Variants in VCL observed in about 807,000 individuals in gnomAD.
VCL encodes the protein vinculin.
VCL carries 47 observed loss-of-function variants against 125.7 expected under a neutral mutation model. That is an observed-to-expected ratio of 0.37 (90% CI 0.30 to 0.48). The LOEUF is 0.48. Ranked by LOEUF, VCL falls within the 20% of genes least tolerant of loss-of-function variation. VCL has a pLI of 0.99. For missense variants in VCL, 1,069 were observed against 1,455.5 expected (o/e 0.73, Z 4.32); for synonymous variants, 458 against 514.6 (o/e 0.89, Z 1.49).
chr10:74,081,916 T>C lies in VCL; in HGVS notation c.784-538T>C, dbSNP rs1324229773. On this transcript the variant is annotated intron_variant, in intron 6 of 21. Coordinates refer to ENST00000211998, the MANE Select transcript of VCL (RefSeq NM_014000.3). ...TAGAATTAAAATTAAACTGCTAGAT[T>C]AACATTTTCAATTGTTTCTTCCAAC... 3.3e-5 allele frequency among the ~76,000 whole-genome samples: 5 copies of C among 152,234 alleles called. No individual in the cohort carries two copies. In the East Asian group the frequency reaches 9.6e-4, roughly 29 times the overall value.
chr10:74,039,943 C>G (rs1841062456), intron 1 of VCL, among the ~76,000 whole-genome samples: 1 of 152,312 alleles, frequency 6.6e-6, no homozygotes, highest in South Asian at 2.1e-4. Flanking sequence ...ATACTTCCCT[C>G]CCTCCCTGAG....
chr10:74,106,863 A>C (rs1202374266), intron 16 of VCL, among the ~76,000 whole-genome samples: 1 of 152,210 alleles, frequency 6.6e-6, no homozygotes, highest in African/African-American at 2.4e-5. Flanking sequence ...GTCCAATCTG[A>C]AACTGACATC....
intron 2 of VCL, among the ~76,000 whole-genome samples, chr10:74,056,026 C>G (rs1841384694): frequency 6.6e-6 from 1 of 152,104 alleles, no homozygotes; most frequent in Non-Finnish European, 1.5e-5. Flanking sequence ...ACGTTTGTTC[C>G]TCTCCCATTC....
At chr10:74,098,353 T>C (rs1297508559) in intron 13 of VCL, among the ~76,000 whole-genome samples, 1 of 152,216 alleles carries the variant, frequency 6.6e-6, no homozygotes, top group Non-Finnish European at 1.5e-5. Flanking sequence ...ACTTTTTCAC[T>C]TAGCATTTAT....
At chr10:74,103,371 G>A (rs535938173) in intron 14 of VCL, among the ~76,000 whole-genome samples, 34 of 152,268 alleles carry the variant, frequency 2.2e-4, no homozygotes, top group Non-Finnish European at 4.0e-4. Context: ...CTGAGACTTG[G>A]TTTTTGCATC....
At chr10:74,042,687 C>CA (rs1564515901) in intron 1 of VCL, among the ~76,000 whole-genome samples, 2 of 152,072 alleles carry the variant, frequency 1.3e-5, no homozygotes, top group African/African-American at 4.8e-5. Context: ...CCAATAACTT[C>CA]GTTTTTTTCT....
At chr10:74,083,140 C>T (rs1388630161) in intron 7 of VCL, among the ~76,000 whole-genome samples, 1 of 152,188 alleles carries the variant, frequency 6.6e-6, no homozygotes, top group East Asian at 1.9e-4. Context: ...CTTAGTATCT[C>T]CAAATAGATA....
intron 1 of VCL, among the ~76,000 whole-genome samples, chr10:74,011,547 A>G (rs532385923): frequency 8.5e-5 from 13 of 152,250 alleles, no homozygotes; most frequent in South Asian, 8.3e-4. Flanking sequence ...TAGTTCTTCA[A>G]TTAAGTGTGT....
rs1477499984 is a variant in VCL at position 74,095,799 on chromosome 10, G to A, written c.1687G>A (p.Glu563Lys). 1 of 1,614,074 alleles carries A rather than the reference G, an allele frequency of 6.2e-7. No homozygotes were observed. Among genetic ancestry groups the A allele is most frequent in the African/African-American group, 1.3e-5 (1 of 74,930 alleles). The change falls in exon 12 of 22, where the codon GAA becomes AAA. Residue 563 changes from glutamate (E) to lysine (K), a missense_variant. Physicochemically the swap from Glu to Lys is moderately conservative, Grantham distance 56 (BLOSUM62 1). Around this residue, in one of 6 missense-constraint regions of VCL, gnomAD observed 760 missense variants for 928.9 expected, o/e 0.82. Coordinates refer to ENST00000211998, the MANE Select transcript of VCL (RefSeq NM_014000.3). ...GCTGGCTGACCTGGCTGCCAGAGGG[G>A]AAGGGGAGAGTCCTCAGGCACGAGC... Reference protein sequence around the residue: ...AQLADLAARGEGESPQARALA... With the variant: ...AQLADLAARGKGESPQARALA...
Position 74,071,071 on chromosome 10 carries a change from A to G in VCL, c.487A>G (p.Asn163Asp), listed in dbSNP as rs2136272931. 2 of 1,614,114 alleles carry G rather than the reference A, an allele frequency of 1.2e-6. No individual in the cohort carries two copies. Among genetic ancestry groups the G allele is most frequent in the Non-Finnish European group, 1.7e-6 (2 of 1,179,964 alleles). The part of the protein sequence containing the change: ...TMEDLVTYTK[N>D]LGPGMTKMAK... ...GGAAGATTTGGTCACTTACACAAAG[A>G]ATCTTGGGCCAGGTTAGTTTTATCC... The change falls in exon 4 of 22, where the codon AAT becomes GAT. Residue 163 changes from asparagine (N) to aspartate (D), a missense_variant. Asn to Asp is a conservative substitution (Grantham distance 23). Coordinates refer to ENST00000211998, the MANE Select transcript of VCL (RefSeq NM_014000.3). The surrounding 1 kb of genome is among the most constrained non-coding windows in gnomAD (Gnocchi z 4.1).
chr10:74,066,999 G>A lies in VCL; in HGVS notation c.240-3671G>A, dbSNP rs145203580. Among the ~76,000 whole-genome samples the A allele has an allele frequency of 8.9e-3, 1,348 of 152,178 alleles. 14 individuals are homozygous for A. The highest frequency in any genetic ancestry group is 0.014 in the Non-Finnish European group (954 of 67,998). ...GATTATTGACTTTTAGGTAGATGGTGTTTGTTTGAATTAAAATTTATACAA... is the reference window on the plus strand; with the variant it reads ...GATTATTGACTTTTAGGTAGATGGTATTTGTTTGAATTAAAATTTATACAA... On this transcript the variant is annotated intron_variant, in intron 2 of 21. Transcript: ENST00000211998.
At chr10:74,023,535 C>T (rs1840712856) in intron 1 of VCL, among the ~76,000 whole-genome samples, 1 of 152,208 alleles carries the variant, frequency 6.6e-6, no homozygotes, top group Non-Finnish European at 1.5e-5. Context: ...GTAATTCTCT[C>T]AATTCTGACT....
intron 2 of VCL, among the ~76,000 whole-genome samples, chr10:74,060,523 G>C (rs1219699339): frequency 2.0e-5 from 3 of 151,782 alleles, no homozygotes; most frequent in Admixed American, 6.6e-5. Context: ...GGGCATAGTG[G>C]CGCATTCCTG....
chr10:74,086,244 A>G (rs1839768969), intron 8 of VCL, among the ~76,000 whole-genome samples: 1 of 152,216 alleles, frequency 6.6e-6, no homozygotes, highest in Non-Finnish European at 1.5e-5. Flanking sequence ...GAAAACATTC[A>G]TCCTTACCTA....
chr10:74,072,279 A>G (rs889560124), intron 4 of VCL, among the ~76,000 whole-genome samples: 10 of 152,216 alleles, frequency 6.6e-5, no homozygotes, highest in Admixed American at 6.5e-4. Context: ...ACAGACAAAT[A>G]GAAATATGAA....
Position 74,070,660 on chromosome 10 carries a change from T to C in VCL, c.240-10T>C. ...TCTGCCGGTGTGTTAACCTGTGTTC[T>C]TCCCTATAGGGTTGAGAATGCTTGC... is the stretch of plus-strand genomic sequence containing the variant. On this transcript the variant is annotated splice_polypyrimidine_tract_variant and intron_variant, in intron 2 of 21. Coordinates refer to ENST00000211998, the MANE Select transcript of VCL (RefSeq NM_014000.3). 6.2e-7 allele frequency: 1 copy of C among 1,614,102 alleles called. No individual in the cohort carries two copies. Among genetic ancestry groups the C allele is most frequent in the Non-Finnish European group, 8.5e-7 (1 of 1,180,018 alleles).
At chr10:74,086,857 G>T (rs1204623783) in intron 8 of VCL, among the ~76,000 whole-genome samples, 1 of 152,120 alleles carries the variant, frequency 6.6e-6, no homozygotes, top group Non-Finnish European at 1.5e-5. Flanking sequence ...CTGAAATGCG[G>T]TAACAATTTC....
chr10:74,089,174 A>C, intron 8 of VCL, 22 bp from the exon 9 acceptor site: 1 of 1,613,952 alleles, frequency 6.2e-7, no homozygotes, highest in Non-Finnish European at 8.5e-7. Flanking sequence ...GTACAATGAC[A>C]GCATGTGTCT....
chr10:74,097,113 T>G lies in VCL; in HGVS notation c.1744-91T>G, dbSNP rs368055632. ...AATATTTATTGAATGAAAGACTGAA[T>G]AGATGAATGAATGTCAGTGAAGTAA... On this transcript the variant is annotated intron_variant, in intron 12 of 21. Coordinates refer to ENST00000211998, the MANE Select transcript of VCL (RefSeq NM_014000.3). The surrounding 1 kb of genome is among the most constrained non-coding windows in gnomAD (Gnocchi z 4.1). The G allele has an allele frequency of 2.6e-6, 4 of 1,540,966 alleles. No individual in the cohort carries two copies. Among genetic ancestry groups the G allele is most frequent in the Non-Finnish European group, 3.5e-6 (4 of 1,128,010 alleles).
Sources: allele counts gnomAD v4.1 joint callset (sites outside exome capture counted in the v4.1 genomes callset), GRCh38; gene constraint gnomAD v4.1.1; regional missense constraint gnomAD v4.1.1; non-coding constraint Gnocchi (gnomAD v3.1); transcripts MANE v1.5; gene names NCBI Gene and HGNC (gene_info 2026-07-23, HGNC 2026-07-21).